The following CYP2W1 variants were observed in gnomAD, a reference collection of about 807,000 sequenced individuals.
CYP2W1 encodes the protein cytochrome P450 family 2 subfamily W member 1.
Under a neutral mutation model 44.9 loss-of-function variants are expected in CYP2W1, and 51 were observed. The observed-to-expected ratio is 1.14, with a 90% CI of 0.91 to 1.43. The LOEUF (loss-of-function observed/expected upper bound fraction) is 1.43, where lower values mean the gene tolerates loss of function less well. Among genes scored for constraint, CYP2W1 ranks in the 40% most tolerant of loss-of-function variants. The pLI is 0.00. For synonymous variants in CYP2W1, 383 were observed against 338.3 expected (o/e 1.13, Z -1.45); for missense variants, 746 against 700.0 (o/e 1.07, Z -0.74).
intron 5 of CYP2W1, 40 bp from the exon 6 acceptor site, chr7:987,067 C>G (rs1848408575): frequency 6.8e-7 from 1 of 1,467,854 alleles, no homozygotes. Context: ...GGGGGACAGA[C>G]CCCAGATCAT....
At chr7:983,510 C>A in intron 1 of CYP2W1, 125 bp downstream of exon 1, 2 of 985,790 alleles carry the variant, frequency 2.0e-6, no homozygotes, top group Non-Finnish European at 2.7e-6. Flanking sequence ...CAGCGGGGCA[C>A]GCAGGAGGCC....
intron 2 of CYP2W1, among the ~76,000 whole-genome samples, 164 bp downstream of exon 2, chr7:984,738 C>T (rs1446187766): frequency 1.3e-5 from 2 of 152,212 alleles, no homozygotes; most frequent in Admixed American, 6.5e-5. Context: ...GGTGTCCACA[C>T]AGCAGGTCAG....
Position 988,432 on chromosome 7 carries a change from G to GGGCCGGGGCCC in CYP2W1, c.1285+16_1285+17insCCGGGGCCCGG. On this transcript the variant is annotated intron_variant, in intron 8 of 8. Coordinates refer to ENST00000308919, the MANE Select transcript of CYP2W1 (RefSeq NM_017781.3). ...CTTTCTCTGCAGGTCAGCAGCCCTC[G>GGGCCGGGGCCC]GGGCCGGGGTGGGGCGGCACCTCCA... is the stretch of plus-strand genomic sequence containing the variant. 6.2e-7 allele frequency: 1 copy of GGGCCGGGGCCC among 1,612,164 alleles called. No homozygotes were observed. Among genetic ancestry groups the GGGCCGGGGCCC allele is most frequent in the South Asian group, 1.1e-5 (1 of 90,970 alleles).
chr7:988,907 C>G lies in CYP2W1; in HGVS notation c.*85C>G. ...CCCTCTCTCCTCCCACCCCACAGCT[C>G]GGACTGCTCTGGGAGGGCCCTGAGG... is the stretch of plus-strand genomic sequence containing the variant. On this transcript the variant is annotated 3_prime_UTR_variant, in exon 9 of 9. Transcript: ENST00000308919. 2 of 871,330 alleles carry G rather than the reference C, an allele frequency of 2.3e-6. No homozygotes were observed. Among genetic ancestry groups the G allele is most frequent in the Non-Finnish European group, 3.5e-6 (2 of 577,480 alleles). 54.0% of individuals were successfully genotyped at this position (871,330 alleles called of 1,614,324 possible). A position where few individuals can be genotyped will look rare whatever the true frequency, so the allele number is the denominator to read the frequency against.
In CYP2W1 at chr7:987,441, C is replaced by T; in HGVS notation, c.1053C>T (p.Leu351=). The change falls in exon 7 of 9, where the codon CTC becomes CTT. Residue 351 remains leucine (L), a synonymous_variant. Transcript: ENST00000308919. The stretch of plus-strand genomic sequence containing the variant: ...CTCTGCCCTACACAAGCGCCGTGCT[C>T]CACGAGGTGCAGCGGTTCATCACGC... The part of the protein sequence containing the change: ...QQALPYTSAV[L]HEVQRFITLL... 1 of 1,587,158 alleles carries T rather than the reference C, an allele frequency of 6.3e-7. No homozygotes were observed. The highest frequency in any genetic ancestry group is 1.3e-5 in the African/African-American group (1 of 74,848).
At position 988,277 on chromosome 7, in the gene CYP2W1, G is replaced by T; in HGVS notation, c.1144G>T (p.Gly382Cys). ...CTCTGTGCCCCGGCTGCCCCCACAG[G>T]GCACGCCCGTGATTCCCCTGCTGAC... ...TQLGGFLLPK[G>C]TPVIPLLTSV... Residue 382 changes from glycine to cysteine, a missense_variant and splice_region_variant, in exon 8 of 9, where the codon GGC becomes TGC. Gly to Cys is a radical substitution (Grantham distance 159). Transcript: ENST00000308919. 1.3e-6 allele frequency: 2 copies of T among 1,585,412 alleles called. No homozygotes were observed. The highest frequency in any genetic ancestry group is 1.1e-5 in the South Asian group (1 of 87,570).
chr7:986,978 G>A lies in CYP2W1; in HGVS notation c.820-129G>A, dbSNP rs542593170. On this transcript the variant is annotated intron_variant, in intron 5 of 8. Transcript: ENST00000308919. The stretch of plus-strand genomic sequence containing the variant: ...ACGGGGCATCCATAGTGCCTGCCTC[G>A]GGGACGCTGAGGGATGGCTGAGCCC... 31 of 1,356,874 alleles carry A rather than the reference G, an allele frequency of 2.3e-5. No homozygotes were observed. In the East Asian group the frequency reaches 5.2e-4, roughly 23 times the overall value. The allele number at this position is 1,356,874 out of a possible 1,614,324, so 84.1% of individuals were successfully genotyped here. A position where few individuals can be genotyped will look rare whatever the true frequency, so the allele number is the denominator to read the frequency against.
chr7:987,933 T>TGGGGGGGGTCCCCTGTGTGTCCTGG (rs11438426), intron 7 of CYP2W1, among the ~76,000 whole-genome samples: 1 of 135,758 alleles, frequency 7.4e-6, no homozygotes, highest in African/African-American at 3.0e-5. Flanking sequence ...CTGTGTGTCC[T>TGGGGGGGGTCCCCTGTGTGTCCTGG]GGGGGGGTCC....
intron 4 of CYP2W1, 122 bp from the exon 5 acceptor site, chr7:986,502 C>G: frequency 8.4e-7 from 1 of 1,184,544 alleles, no homozygotes; most frequent in East Asian, 2.4e-5. Flanking sequence ...TCTGTGGCCG[C>G]CTCCAGCACA....
Position 985,026 on chromosome 7 carries a change from G to T in CYP2W1, c.414G>T (p.Val138=), listed in dbSNP as rs923549026. ...FTVRALHSLG[V]GREPVADKIL... Reference sequence around the variant, plus strand: ...TGCGTGCCCTGCACAGCCTGGGCGTGGGCCGGGAGCCGGTGGCTGACAAGA... The same window carrying T: ...TGCGTGCCCTGCACAGCCTGGGCGTTGGCCGGGAGCCGGTGGCTGACAAGA... The change falls in exon 3 of 9, where the codon GTG becomes GTT. Residue 138 remains valine, a synonymous_variant. Transcript: ENST00000308919. The T allele has an allele frequency of 1.2e-6, 2 of 1,612,190 alleles. No individual in the cohort carries two copies. The highest frequency in any genetic ancestry group is 1.3e-5 in the African/African-American group (1 of 75,060).
At chr7:984,379 G>A (rs961319877) in intron 1 of CYP2W1, 33 bp from the exon 2 acceptor site, 16 of 1,541,358 alleles carry the variant, frequency 1.0e-5, no homozygotes, top group Non-Finnish European at 1.4e-5. Context: ...TGTGGGTGAG[G>A]GCTGCCCGGG....
rs1848250852 is a variant in CYP2W1, at chr7:985,313, C to G, written c.635C>G (p.Pro212Arg). ...GAGGTCATGGTCCTCTTGGGGTCCC[C>G]TGGCCTGCAGGTGAGGAGCTGCCTC... is the stretch of plus-strand genomic sequence containing the variant. ...IDEVMVLLGS[P>R]GLQLFNVYPW... Residue 212 changes from proline (P) to arginine (R), a missense_variant, in exon 4 of 9, where the codon CCT becomes CGT. Coordinates refer to ENST00000308919, the MANE Select transcript of CYP2W1 (RefSeq NM_017781.3). 6.4e-7 allele frequency: 1 copy of G among 1,550,742 alleles called. No individual in the cohort carries two copies. The highest frequency in any genetic ancestry group is 8.7e-7 in the Non-Finnish European group (1 of 1,146,932).
rs776847452 is a variant in CYP2W1, at chr7:987,450, G to A, written c.1062G>A (p.Val354=). The change falls in exon 7 of 9, where the codon GTG becomes GTA. Residue 354 remains valine (V), a synonymous_variant. Transcript: ENST00000308919. ...ACACAAGCGCCGTGCTCCACGAGGTGCAGCGGTTCATCACGCTCCTGCCGC... is the reference window on the plus strand; with the variant it reads ...ACACAAGCGCCGTGCTCCACGAGGTACAGCGGTTCATCACGCTCCTGCCGC... The part of the protein sequence containing the change: ...LPYTSAVLHE[V]QRFITLLPHV... 2.5e-5 allele frequency: 39 copies of A among 1,581,644 alleles called. No individual in the cohort carries two copies. Among genetic ancestry groups the A allele is most frequent in the Non-Finnish European group, 3.1e-5 (36 of 1,171,872 alleles).
chr7:987,646 C>T (rs940081885), intron 7 of CYP2W1, 115 bp downstream of exon 7: 85 of 1,049,432 alleles, frequency 8.1e-5, no homozygotes, highest in Non-Finnish European at 1.1e-4. Context: ...CAGCGCTCCC[C>T]GACCGGAGGC....
At chr7:984,623 G>C (rs2128122212) in intron 2 of CYP2W1, 49 bp downstream of exon 2, 1 of 1,526,350 alleles carries the variant, frequency 6.6e-7, no homozygotes, top group East Asian at 2.4e-5. Flanking sequence ...GGGGGCACCT[G>C]GACCCCAGGA....
At chr7:987,830 G>A (rs1324287262) in intron 7 of CYP2W1, among the ~76,000 whole-genome samples, 1 of 151,424 alleles carries the variant, frequency 6.6e-6, no homozygotes, top group African/African-American at 2.4e-5. Context: ...GTGTCCTGGG[G>A]GTCCCCTCTG....
Position 988,325 on chromosome 7 carries a change from C to T in CYP2W1, c.1192C>T (p.Gln398Ter), listed in dbSNP as rs1035127975. ...GACCTCGGTGCTCCTGGATGAGACA[C>T]AGTGGCAGACCCCAGGCCAGTTCAA... The part of the protein sequence containing the change: ...LLTSVLLDET[Q>*]WQTPGQFNPG... The change falls in exon 8 of 9, where the codon CAG becomes TAG. Residue 398 changes from glutamine (Q) to a stop codon, truncating the protein, a stop_gained. Transcript: ENST00000308919. LOFTEE classifies it high-confidence loss of function. The T allele has an allele frequency of 6.2e-7, 1 of 1,611,622 alleles. No homozygotes were observed. Among genetic ancestry groups the T allele is most frequent in the Admixed American group, 1.7e-5 (1 of 59,964 alleles).
At position 987,125 on chromosome 7, in the gene CYP2W1, C is replaced by CT; in HGVS notation, c.839dup (p.Phe281ValfsTer3). 1 of 1,565,522 alleles carries CT rather than the reference C, an allele frequency of 6.4e-7. No individual in the cohort carries two copies. The highest frequency in any genetic ancestry group is 8.7e-7 in the Non-Finnish European group (1 of 1,154,006). ...TCTGCAGGGGGATGACCCCGAGGGCCTGTTTGCTGAGGCCAACGCGGTGGC... is the reference window on the plus strand; with the variant it reads ...TCTGCAGGGGGATGACCCCGAGGGCCTTGTTTGCTGAGGCCAACGCGGTGGC... On this transcript the variant is annotated frameshift_variant, in exon 6 of 9. Transcript: ENST00000308919. LOFTEE classifies it high-confidence loss of function.
Position 988,669 on chromosome 7 carries a change from G to A in CYP2W1, c.1320G>A (p.Arg440=), listed in dbSNP as rs1364081873. 1 of 1,600,934 alleles carries A rather than the reference G, an allele frequency of 6.2e-7. No individual in the cohort carries two copies. The highest frequency in any genetic ancestry group is 8.5e-7 in the Non-Finnish European group (1 of 1,179,620). Residue 440 remains arginine (R), a synonymous_variant, in exon 9 of 9, where the codon AGG becomes AGA. Coordinates refer to ENST00000308919, the MANE Select transcript of CYP2W1 (RefSeq NM_017781.3). ...RRVCVGERLA[R]TELFLLFAGL... is the part of the protein sequence containing the mutation. ...TCTGTGTTGGGGAGCGCCTGGCCAGGACCGAGCTCTTCCTGCTGTTTGCCG... is the reference window on the plus strand; with the variant it reads ...TCTGTGTTGGGGAGCGCCTGGCCAGAACCGAGCTCTTCCTGCTGTTTGCCG...
Sources: gnomAD v4.1 joint callset for allele counts (sites outside exome capture counted in the v4.1 genomes callset) on GRCh38, gnomAD v4.1.1 for gene constraint, MANE v1.5 for transcripts, NCBI Gene and HGNC (gene_info 2026-07-23, HGNC 2026-07-21) for gene names.